The following MRPS28 variants were observed in gnomAD, a reference collection of about 807,000 sequenced individuals.
MRPS28 encodes mitochondrial ribosomal protein S28.
MRPS28 carries 7 observed loss-of-function variants against 10.8 expected under a neutral mutation model. The ratio of observed to expected loss-of-function variants is 0.65; its 90% CI spans 0.37 to 1.22. MRPS28 has a LOEUF of 1.22. MRPS28 is among the 50% of genes most tolerant of loss of function. The probability of loss-of-function intolerance (pLI) is 0.02; values close to 1 mark genes in which losing one functional copy is unlikely to be tolerated. For missense variants in MRPS28, 265 were observed against 232.9 expected, an observed-to-expected ratio of 1.14 and a Z score of -0.90; for synonymous variants, 121 against 93.3, an observed-to-expected ratio of 1.30 and a Z score of -1.71.
Position 79,964,596 on chromosome 8 carries a change from C to T in MRPS28, c.395+38403G>A, listed in dbSNP as rs535983806. 3.9e-5 allele frequency among the ~76,000 whole-genome samples: 6 copies of T among 152,174 alleles called. No individual in the cohort carries two copies. In the South Asian group the frequency reaches 1.2e-3, roughly 32 times the overall value. ...ACCAATTACTAGCTGTATGATCTTA[C>T]ATAACCCCTCCAGTGTCTTGATTTT... On this transcript the variant is annotated intron_variant, in intron 2 of 2. Transcript: ENST00000276585.
At chr8:79,961,905 C>T (rs1017173521) in intron 2 of MRPS28, among the ~76,000 whole-genome samples, 3 of 152,076 alleles carry the variant, frequency 2.0e-5, no homozygotes, top group Admixed American at 2.0e-4. Context: ...AAATACTGAC[C>T]AGCATGCCAT....
At chr8:80,001,010 C>T (rs1808647117) in intron 2 of MRPS28, among the ~76,000 whole-genome samples, 1 of 152,148 alleles carries the variant, frequency 6.6e-6, no homozygotes, top group African/African-American at 2.4e-5. Context: ...TAACGGAATT[C>T]CATCCTCACA....
At chr8:79,939,977 T>TA (rs11443456) in intron 2 of MRPS28, among the ~76,000 whole-genome samples, 104,936 of 140,626 alleles carry the variant, frequency 0.75, 38,719 homozygotes, top group East Asian at 0.84. Context: ...CCGTCTCAAA[T>TA]AAAAAAAAAA....
chr8:80,016,270 TGAA>T (rs1254801653), intron 1 of MRPS28, among the ~76,000 whole-genome samples: 2 of 151,868 alleles, frequency 1.3e-5, no homozygotes, highest in African/African-American at 2.4e-5. Flanking sequence ...AAATCAAAGA[TGAA>T]GAAAAAATTC....
chr8:80,006,565 G>A (rs1234658756), intron 1 of MRPS28, among the ~76,000 whole-genome samples: 7 of 151,924 alleles, frequency 4.6e-5, no homozygotes, highest in South Asian at 2.1e-4. Context: ...TCACATAGAC[G>A]CAATAAAAAA....
intron 2 of MRPS28, among the ~76,000 whole-genome samples, chr8:79,979,992 A>T (rs1469491258): frequency 6.7e-6 from 1 of 148,692 alleles, no homozygotes; most frequent in Non-Finnish European, 1.5e-5. Context: ...GCTATTTGCA[A>T]TTGACACAAG....
chr8:79,920,125 G>C (rs988974097), intron 2 of MRPS28, among the ~76,000 whole-genome samples: 76 of 151,970 alleles, frequency 5.0e-4, no homozygotes, highest in Non-Finnish European at 7.4e-4. Flanking sequence ...TGAACTCATC[G>C]TTTTTTATGG....
chr8:79,981,580 TG>T (rs1218606227), intron 2 of MRPS28, among the ~76,000 whole-genome samples: 4 of 152,162 alleles, frequency 2.6e-5, no homozygotes, highest in Admixed American at 2.6e-4. Flanking sequence ...TGAAACAGAA[TG>T]GTAAGTAAAA....
intron 1 of MRPS28, among the ~76,000 whole-genome samples, chr8:80,006,329 C>T (rs1188431823): frequency 1.3e-5 from 2 of 152,196 alleles, no homozygotes; most frequent in Non-Finnish European, 2.9e-5. Flanking sequence ...AAGAAACTCA[C>T]TCAAAACCGC....
intron 2 of MRPS28, among the ~76,000 whole-genome samples, chr8:79,964,059 C>T (rs1403866737): frequency 1.3e-5 from 2 of 152,044 alleles, no homozygotes; most frequent in Non-Finnish European, 2.9e-5. Context: ...CTTATGGCCA[C>T]TTATACAACC....
At chr8:80,012,572 G>A (rs570070194) in intron 1 of MRPS28, among the ~76,000 whole-genome samples, 3 of 152,252 alleles carry the variant, frequency 2.0e-5, no homozygotes, top group African/African-American at 7.2e-5. Context: ...CCTAACCCTG[G>A]AAAATGTTAC....
intron 1 of MRPS28, among the ~76,000 whole-genome samples, chr8:80,028,042 AAAAGG>A (rs922983638): frequency 2.6e-5 from 4 of 152,194 alleles, no homozygotes; most frequent in Non-Finnish European, 5.9e-5. Context: ...AAGGAAAGAG[AAAAGG>A]AAAGGAAAGG....
chr8:79,988,434 AAAAT>A (rs1808259707), intron 2 of MRPS28, among the ~76,000 whole-genome samples: 1 of 151,034 alleles, frequency 6.6e-6, no homozygotes, highest in Admixed American at 6.6e-5. Context: ...ATAATAAAAT[AAAAT>A]AAATAAAAAT....
chr8:80,015,337 G>A (rs1809166441), intron 1 of MRPS28, among the ~76,000 whole-genome samples: 1 of 152,154 alleles, frequency 6.6e-6, no homozygotes. Flanking sequence ...TCATGCATAT[G>A]ACATGTGTCC....
intron 1 of MRPS28, among the ~76,000 whole-genome samples, chr8:80,012,568 C>G (rs1255787788): frequency 6.6e-6 from 1 of 152,132 alleles, no homozygotes; most frequent in African/African-American, 2.4e-5. Flanking sequence ...AGTGCCTAAC[C>G]CTGGAAAATG....
chr8:79,980,355 G>C (rs1807922483), intron 2 of MRPS28, among the ~76,000 whole-genome samples: 1 of 152,152 alleles, frequency 6.6e-6, no homozygotes, highest in Non-Finnish European at 1.5e-5. Context: ...TTAGAAAAGT[G>C]ACTGAGTACA....
intron 1 of MRPS28, among the ~76,000 whole-genome samples, chr8:80,015,268 A>T (rs944213203): frequency 6.6e-6 from 1 of 152,218 alleles, no homozygotes; most frequent in African/African-American, 2.4e-5. Flanking sequence ...TTATTCAACA[A>T]TTCATTTATC....
At chr8:79,949,458 C>T (rs1807024861) in intron 2 of MRPS28, among the ~76,000 whole-genome samples, 1 of 151,430 alleles carries the variant, frequency 6.6e-6, no homozygotes, top group Admixed American at 6.6e-5. Context: ...AACTAATCTG[C>T]TTTTGGGCGA....
chr8:79,981,647 A>C (rs1563532539), intron 2 of MRPS28, among the ~76,000 whole-genome samples: 1 of 152,212 alleles, frequency 6.6e-6, no homozygotes, highest in Non-Finnish European at 1.5e-5. Context: ...GAAAATATGT[A>C]CGTTTACAGC....
Sources: gnomAD v4.1 joint callset for allele counts (sites outside exome capture counted in the v4.1 genomes callset) on GRCh38, gnomAD v4.1.1 for gene constraint, MANE v1.5 for transcripts, NCBI Gene and HGNC (gene_info 2026-07-23, HGNC 2026-07-21) for gene names.